The following FOXN3 variants were observed in gnomAD, a reference collection of about 807,000 sequenced individuals.
FOXN3 encodes the protein forkhead box protein N3.
FOXN3 carries 7 observed loss-of-function variants against 38.4 expected under a neutral mutation model. That is an observed-to-expected ratio of 0.18 (90% CI 0.10 to 0.34). FOXN3 has a LOEUF of 0.34. Ranked by LOEUF, FOXN3 falls within the 10% of genes least tolerant of loss-of-function variation. FOXN3 has a pLI of 1.00. For missense variants in FOXN3, 456 were observed against 613.4 expected, an observed-to-expected ratio of 0.74 and a Z score of 2.71; for synonymous variants, 230 against 242.2, an observed-to-expected ratio of 0.95 and a Z score of 0.47.
intron 1 of FOXN3, among the ~76,000 whole-genome samples, chr14:89,483,408 T>C (rs1188127655): frequency 1.3e-5 from 2 of 152,038 alleles, no homozygotes; most frequent in African/African-American, 4.8e-5. Flanking sequence ...GCCCCTGAGA[T>C]GTGGGGTGTA....
chr14:89,217,630 C>A (rs529516751), intron 4 of FOXN3, among the ~76,000 whole-genome samples: 1 of 152,194 alleles, frequency 6.6e-6, no homozygotes, highest in East Asian at 1.9e-4. Flanking sequence ...GGACCATGCA[C>A]CCTAGTTCAT....
intron 1 of FOXN3, among the ~76,000 whole-genome samples, chr14:89,490,779 T>C (rs1893554942): frequency 6.6e-6 from 1 of 152,222 alleles, no homozygotes; most frequent in South Asian, 2.1e-4. Flanking sequence ...AGCCAACAGA[T>C]TCCTTTTGCT....
chr14:89,174,330 G>C (rs1051858895), intron 5 of FOXN3, among the ~76,000 whole-genome samples: 14 of 152,126 alleles, frequency 9.2e-5, no homozygotes, highest in Non-Finnish European at 1.8e-4. Context: ...GGCTAAAAAG[G>C]TAAAGGACGT....
chr14:89,191,829 C>T (rs78277741), intron 4 of FOXN3, among the ~76,000 whole-genome samples: 2 of 150,056 alleles, frequency 1.3e-5, no homozygotes, highest in African/African-American at 4.9e-5. Flanking sequence ...TACTTACATT[C>T]CATAATGGAC....
chr14:89,573,939 G>A (rs910639566), intron 1 of FOXN3, among the ~76,000 whole-genome samples: 3 of 152,116 alleles, frequency 2.0e-5, no homozygotes, highest in Non-Finnish European at 4.4e-5. Flanking sequence ...GCTAAGGCAG[G>A]AGGATCCCTT....
In FOXN3 at chr14:89,158,802, T is replaced by C. The variant is rs1887034964; in HGVS notation, c.*3612A>G. On this transcript the variant is annotated 3_prime_UTR_variant, in exon 6 of 6. Transcript: ENST00000557258. ...TAGCAAGTAATCGTAGACGTCGTGG[T>C]GTTGATGTGTTCACGGTTGGTTTCC... 6.6e-6 allele frequency: 1 copy of C among 152,656 alleles called. No homozygotes were observed. Among genetic ancestry groups the C allele is most frequent in the Non-Finnish European group, 1.5e-5 (1 of 68,060 alleles). The allele number at this position is 152,656 out of a possible 1,614,324, so 9.5% of individuals were successfully genotyped here.
chr14:89,527,303 T>C (rs1159993848), intron 1 of FOXN3, among the ~76,000 whole-genome samples: 12 of 152,220 alleles, frequency 7.9e-5, no homozygotes, highest in African/African-American at 2.7e-4. Flanking sequence ...GAGAAAATCA[T>C]TGTGATCTTG....
intron 4 of FOXN3, among the ~76,000 whole-genome samples, chr14:89,198,867 G>T (rs1888164201): frequency 6.6e-6 from 1 of 152,204 alleles, no homozygotes; most frequent in South Asian, 2.1e-4. Context: ...ATCTCCAATA[G>T]AACACATCAA....
rs1894949290 is a variant in FOXN3 at position 89,549,196 on chromosome 14, T to A, written c.-15+69832A>T. 2.0e-5 allele frequency among the ~76,000 whole-genome samples: 3 copies of A among 151,600 alleles called. No homozygotes were observed. The South Asian group carries it at 6.2e-4, about 32-fold the overall frequency. On this transcript the variant is annotated intron_variant, in intron 1 of 6. Transcript: ENST00000345097. ...CTTTATTCTGAAATTAAATTCTTAC[T>A]CATGTGTTGTTTGAAAGGCCTTTTG...
At chr14:89,352,573 T>C (rs1442059891) in intron 2 of FOXN3, among the ~76,000 whole-genome samples, 1 of 152,184 alleles carries the variant, frequency 6.6e-6, no homozygotes, top group Non-Finnish European at 1.5e-5. Context: ...GGGACCTGCC[T>C]TTCTGATCCC....
intron 1 of FOXN3, among the ~76,000 whole-genome samples, chr14:89,475,061 G>A (rs1048268177): frequency 3.3e-5 from 5 of 151,936 alleles, no homozygotes; most frequent in Non-Finnish European, 7.4e-5. Context: ...TGATCCATCC[G>A]CCCCAGCCTC....
chr14:89,595,299 T>C (rs1896035752), intron 1 of FOXN3, among the ~76,000 whole-genome samples: 1 of 151,828 alleles, frequency 6.6e-6, no homozygotes, highest in South Asian at 2.1e-4. Flanking sequence ...CACTCCAGCC[T>C]GGGCAATTGA....
chr14:89,404,696 A>C (rs1891343089), intron 2 of FOXN3, among the ~76,000 whole-genome samples: 1 of 151,966 alleles, frequency 6.6e-6, no homozygotes, highest in African/African-American at 2.4e-5. Flanking sequence ...TAGCACAGAC[A>C]GCAGAAAGCA....
intron 1 of FOXN3, among the ~76,000 whole-genome samples, chr14:89,432,957 A>AG (rs1892193154): frequency 6.6e-6 from 1 of 152,130 alleles, no homozygotes. Context: ...CTGGGATTAC[A>AG]GGCGTGAGCC....
At chr14:89,328,043 T>G (rs1199465559) in intron 3 of FOXN3, among the ~76,000 whole-genome samples, 3 of 152,242 alleles carry the variant, frequency 2.0e-5, no homozygotes. Flanking sequence ...ATGTCACCAC[T>G]GTGTTTCAGT....
At chr14:89,306,593 T>C (rs1887384871) in intron 3 of FOXN3, among the ~76,000 whole-genome samples, 2 of 152,036 alleles carry the variant, frequency 1.3e-5, no homozygotes, top group African/African-American at 4.8e-5. Context: ...GGTCTCAATC[T>C]CCTGAACTCG....
intron 1 of FOXN3, among the ~76,000 whole-genome samples, chr14:89,564,580 A>G (rs1398666517): frequency 6.6e-6 from 1 of 152,154 alleles, no homozygotes; most frequent in African/African-American, 2.4e-5. Context: ...GTAATGATTC[A>G]CCGCAGTTTA....
At chr14:89,180,639 T>C (rs1413936223) in intron 5 of FOXN3, 62 bp downstream of exon 5, 5 of 1,242,440 alleles carry the variant, frequency 4.0e-6, no homozygotes, top group Non-Finnish European at 5.5e-6. Context: ...AGGGACCCCG[T>C]GGACAGAAAG....
At chr14:89,524,953 C>A (rs1416787139) in intron 1 of FOXN3, among the ~76,000 whole-genome samples, 1 of 152,116 alleles carries the variant, frequency 6.6e-6, no homozygotes, top group Non-Finnish European at 1.5e-5. Context: ...AAACAAGAGA[C>A]CCTCATAGTT....
Sources: gnomAD v4.1 joint callset for allele counts (sites outside exome capture counted in the v4.1 genomes callset) on GRCh38, gnomAD v4.1.1 for gene constraint, MANE v1.5 for transcripts, NCBI Gene and HGNC (gene_info 2026-07-23, HGNC 2026-07-21) for gene names.